Variants in RAD51B observed in about 807,000 individuals in gnomAD.
The protein encoded by RAD51B is RAD51 paralog B.
A neutral mutation model predicts 42.2 loss-of-function variants in RAD51B; 38 were observed. That is an observed-to-expected ratio of 0.90 (90% CI 0.70 to 1.18). The LOEUF (loss-of-function observed/expected upper bound fraction) is 1.18, where lower values mean the gene tolerates loss of function less well. RAD51B is among the 50% of genes most tolerant of loss of function. RAD51B has a pLI of 0.00. For synonymous variants in RAD51B, 154 were observed against 145.2 expected (o/e 1.06, Z -0.43); for missense variants, 373 against 400.7 (o/e 0.93, Z 0.59).
At chr14:67,926,558 C>CTTTTTTTT (rs534207569) in intron 7 of RAD51B, among the ~76,000 whole-genome samples, 50 of 85,114 alleles carry the variant, frequency 5.9e-4, no homozygotes, top group Middle Eastern at 0.013. Context: ...GATATGTTTC[C>CTTTTTTTT]TTTTTTTTTT....
At chr14:68,599,239 A>G (rs1182743433), downstream of RAD51B, among the ~76,000 whole-genome samples, 1 of 152,246 alleles carries the variant, frequency 6.6e-6, no homozygotes, top group Non-Finnish European at 1.5e-5. Flanking sequence ...GAGGAGGGAA[A>G]GGATGTTGCC....
At chr14:68,629,957 T>G (rs1255911365) in intron 10 of RAD51B, among the ~76,000 whole-genome samples, 2 of 152,248 alleles carry the variant, frequency 1.3e-5, no homozygotes, top group East Asian at 3.8e-4. Flanking sequence ...AGGCCAAGCC[T>G]CCTGTCCCTA....
chr14:68,028,715 A>T (rs116345274), intron 7 of RAD51B, among the ~76,000 whole-genome samples: 1 of 152,180 alleles, frequency 6.6e-6, no homozygotes, highest in African/African-American at 2.4e-5. Context: ...ATGCTCTTGC[A>T]GTGGGGGGTC....
At chr14:68,483,842 T>A (rs1409704214) in intron 10 of RAD51B, among the ~76,000 whole-genome samples, 1 of 152,224 alleles carries the variant, frequency 6.6e-6, no homozygotes, top group African/African-American at 2.4e-5. Context: ...GGTCTCATAT[T>A]GACAAGAGCT....
At chr14:68,249,345 A>G (rs893465483) in intron 7 of RAD51B, among the ~76,000 whole-genome samples, 2 of 152,180 alleles carry the variant, frequency 1.3e-5, no homozygotes, top group Admixed American at 1.3e-4. Context: ...ACAAAACAAT[A>G]CTTACCAACT....
intron 9 of RAD51B, among the ~76,000 whole-genome samples, chr14:68,415,022 ACT>A (rs1184522656): frequency 1.9e-5 from 2 of 104,094 alleles, no homozygotes; most frequent in Admixed American, 2.9e-4. Context: ...ACAGAGCAAG[ACT>A]CTGTCTCAAA....
intron 7 of RAD51B, among the ~76,000 whole-genome samples, chr14:68,165,506 T>G (rs992766080): frequency 6.6e-6 from 1 of 152,176 alleles, no homozygotes; most frequent in Non-Finnish European, 1.5e-5. Flanking sequence ...ATATGCATTT[T>G]TTTTCCTCTT....
intron 7 of RAD51B, among the ~76,000 whole-genome samples, chr14:68,289,099 C>G (rs1341797415): frequency 6.6e-6 from 1 of 152,060 alleles, no homozygotes; most frequent in East Asian, 1.9e-4. Context: ...CAAAGTATAT[C>G]CTGATATAGA....
chr14:68,044,766 CTCTT>C (rs1470826766), intron 7 of RAD51B, among the ~76,000 whole-genome samples: 4 of 151,980 alleles, frequency 2.6e-5, no homozygotes, highest in African/African-American at 9.7e-5. Flanking sequence ...CCAACCTTGT[CTCTT>C]TCTTACTGGC....
downstream of RAD51B, among the ~76,000 whole-genome samples, chr14:68,615,045 G>T (rs1300176216): frequency 1.3e-5 from 2 of 151,990 alleles, no homozygotes; most frequent in Admixed American, 1.3e-4. Context: ...GCTAATTTTT[G>T]TATTTTTGGT....
chr14:68,217,717 C>T (rs570893329), intron 7 of RAD51B, among the ~76,000 whole-genome samples: 2 of 152,330 alleles, frequency 1.3e-5, no homozygotes, highest in African/African-American at 4.8e-5. Context: ...AAGCCTGACT[C>T]TCATAGCCTT....
At chr14:68,189,786 C>T (rs2079227044) in intron 7 of RAD51B, among the ~76,000 whole-genome samples, 1 of 152,060 alleles carries the variant, frequency 6.6e-6, no homozygotes, top group South Asian at 2.1e-4. Context: ...CTGTCTCAGC[C>T]TCCTGAGTAA....
intron 4 of RAD51B, among the ~76,000 whole-genome samples, chr14:67,861,832 CTGTT>C (rs2042174245): frequency 1.3e-5 from 2 of 152,052 alleles, no homozygotes; most frequent in African/African-American, 2.4e-5. Flanking sequence ...TTTAAAATCA[CTGTT>C]TGGAATATTT....
At chr14:67,931,103 A>G (rs1318594756) in intron 7 of RAD51B, among the ~76,000 whole-genome samples, 2 of 151,744 alleles carry the variant, frequency 1.3e-5, no homozygotes, top group African/African-American at 2.4e-5. Flanking sequence ...TTGTATTTTT[A>G]TTAGAGACAG....
chr14:68,121,163 T>C (rs537267608), intron 7 of RAD51B, among the ~76,000 whole-genome samples: 116 of 152,306 alleles, frequency 7.6e-4, no homozygotes, highest in African/African-American at 2.6e-3. Context: ...TATTATGTCA[T>C]AGATTAATCA....
intron 7 of RAD51B, among the ~76,000 whole-genome samples, chr14:68,205,205 T>C (rs1031107685): frequency 7.9e-5 from 12 of 152,220 alleles, no homozygotes; most frequent in Admixed American, 6.5e-5. Context: ...TTAGGTGTTA[T>C]ACAGTCCATA....
In RAD51B at chr14:68,414,269, G is replaced by A. The variant is rs564020187; in HGVS notation, c.957+2742G>A. Among the ~76,000 whole-genome samples, 30 of 152,272 alleles carry A rather than the reference G, an allele frequency of 2.0e-4. No homozygotes were observed. In the South Asian group the frequency reaches 6.0e-3, roughly 31 times the overall value. Reference sequence around the variant, plus strand: ...CCAAGTTAATTTTCTTGCTTATTCTGCTTCAGTGTTTGCAAAAACTCTCTT... The same window carrying A: ...CCAAGTTAATTTTCTTGCTTATTCTACTTCAGTGTTTGCAAAAACTCTCTT... On this transcript the variant is annotated intron_variant, in intron 9 of 10. Transcript: ENST00000471583.
At chr14:67,950,026 C>T (rs918416577) in intron 7 of RAD51B, among the ~76,000 whole-genome samples, 1 of 152,046 alleles carries the variant, frequency 6.6e-6, no homozygotes, top group Non-Finnish European at 1.5e-5. Flanking sequence ...GACCACAGGC[C>T]GAGTAGATTT....
chr14:68,424,938 C>T (rs535743517), intron 9 of RAD51B, among the ~76,000 whole-genome samples: 1 of 152,162 alleles, frequency 6.6e-6, no homozygotes, highest in Non-Finnish European at 1.5e-5. Flanking sequence ...CCACACCTGG[C>T]TATTTTTAAA....
Sources: allele counts gnomAD v4.1 joint callset (sites outside exome capture counted in the v4.1 genomes callset), GRCh38; gene constraint gnomAD v4.1.1; transcripts MANE v1.5; gene names NCBI Gene and HGNC (gene_info 2026-07-23, HGNC 2026-07-21).